The following GPR173 variants were observed in gnomAD, a reference collection of about 807,000 sequenced individuals.
GPR173 encodes the protein probable G protein-coupled receptor 173.
In GPR173, 2 loss-of-function variants were observed where a neutral mutation model predicts 13.9. That is an observed-to-expected ratio of 0.14 (90% confidence interval 0.06 to 0.45). The LOEUF (loss-of-function observed/expected upper bound fraction) is 0.45, where lower values mean the gene tolerates loss of function less well. Ranked by LOEUF, GPR173 falls within the 20% of genes least tolerant of loss-of-function variation. The pLI, the probability that GPR173 is intolerant of heterozygous loss-of-function variation, is 0.98. For synonymous variants in GPR173, 131 were observed against 141.0 expected (o/e 0.93, Z 0.50); for missense variants, 202 against 340.5 (o/e 0.59, Z 3.20).
At chrX:53,071,892 C>T (rs782154594) in intron 1 of GPR173, among the ~76,000 whole-genome samples, 26 of 111,186 alleles carry the variant, frequency 2.3e-4, no homozygotes, top group African/African-American at 8.2e-4. Context: ...TGCGTGCGCA[C>T]GCGTTCCTCA....
Position 53,077,167 on chromosome X carries a change from G to A in GPR173, c.546G>A (p.Lys182=), listed in dbSNP as rs782556408. 8.3e-7 allele frequency: 1 copy of A among 1,207,894 alleles called. No individual in the cohort carries two copies. The highest frequency in any genetic ancestry group is 1.1e-6 in the Non-Finnish European group (1 of 892,685). Residue 182 remains lysine, a synonymous_variant, in exon 2 of 2, where the codon AAG becomes AAA. Coordinates refer to ENST00000332582, the MANE Select transcript of GPR173 (RefSeq NM_018969.6). ...DQCIFEHRYF[K]ANDTLGFMLM... Reference sequence around the variant, plus strand: ...GCATCTTTGAGCATCGCTACTTCAAGGCCAATGACACGCTGGGCTTCATGC... The same window carrying A: ...GCATCTTTGAGCATCGCTACTTCAAAGCCAATGACACGCTGGGCTTCATGC...
At chrX:53,074,803 A>T (rs1254333814) in intron 1 of GPR173, among the ~76,000 whole-genome samples, 1 of 97,699 alleles carries the variant, frequency 1.0e-5, no homozygotes, top group East Asian at 3.0e-4. Flanking sequence ...AATTATATAT[A>T]TATAAATATA....
chrX:53,056,211 G>A (rs1171228917), intron 1 of GPR173, among the ~76,000 whole-genome samples: 5 of 109,916 alleles, frequency 4.5e-5, no homozygotes, highest in Admixed American at 9.9e-5. Flanking sequence ...GGGCCTGTGC[G>A]TGTAAGTGCA....
intron 1 of GPR173, among the ~76,000 whole-genome samples, chrX:53,053,651 G>A (rs1931992135): frequency 8.9e-6 from 1 of 112,926 alleles, no homozygotes; most frequent in African/African-American, 3.2e-5. Flanking sequence ...GGGCCTTATT[G>A]ACAAGGGGAT....
intron 1 of GPR173, among the ~76,000 whole-genome samples, chrX:53,065,977 G>T (rs1220684738): frequency 9.0e-6 from 1 of 110,805 alleles, no homozygotes; most frequent in Non-Finnish European, 1.9e-5. Flanking sequence ...GCGCGTGCCT[G>T]TGATCCCAGC....
intron 1 of GPR173, among the ~76,000 whole-genome samples, chrX:53,074,233 GAAATATATATA>G (rs1932359075): frequency 1.3e-4 from 1 of 7,610 alleles, no homozygotes; most frequent in Non-Finnish European, 2.4e-4. Flanking sequence ...TATTCATATA[GAAATATATATA>G]AATATACATT....
intron 1 of GPR173, among the ~76,000 whole-genome samples, chrX:53,052,498 T>C (rs374204262): frequency 1.4e-4 from 15 of 110,744 alleles, no homozygotes; most frequent in African/African-American, 4.9e-4. Flanking sequence ...TGGGTGTATA[T>C]GCTAGTAGGT....
At chrX:53,070,969 CTTTT>C (rs1210687869) in intron 1 of GPR173, 2 of 95,257 alleles carry the variant, frequency 2.1e-5, no homozygotes, top group African/African-American at 4.0e-5. Context: ...CTCCCAATGT[CTTTT>C]TTTTTTTTTT....
intron 1 of GPR173, among the ~76,000 whole-genome samples, chrX:53,062,871 G>T (rs1291358199): frequency 9.0e-6 from 1 of 111,679 alleles, no homozygotes; most frequent in Non-Finnish European, 1.9e-5. Flanking sequence ...TTGACTCTGC[G>T]TCCTGCATCT....
intron 1 of GPR173, among the ~76,000 whole-genome samples, chrX:53,050,776 C>A (rs1242346888): frequency 8.9e-6 from 1 of 112,009 alleles, no homozygotes; most frequent in African/African-American, 3.2e-5. Flanking sequence ...AGCAAGTGGG[C>A]AAATGGAGGG....
At chrX:53,054,043 G>A (rs782761032) in intron 1 of GPR173, among the ~76,000 whole-genome samples, 1 of 111,987 alleles carries the variant, frequency 8.9e-6, no homozygotes, top group African/African-American at 3.3e-5. Context: ...TCTAGGGTTG[G>A]TAAATAGTTT....
intron 1 of GPR173, among the ~76,000 whole-genome samples, chrX:53,055,775 T>C (rs1407614872): frequency 9.1e-6 from 1 of 109,637 alleles, no homozygotes; most frequent in Non-Finnish European, 1.9e-5. Context: ...CCATGGTCTA[T>C]ATGGGATGAA....
intron 1 of GPR173, among the ~76,000 whole-genome samples, chrX:53,072,295 A>C (rs13440883): frequency 0.32 from 32,645 of 102,360 alleles, 5,195 homozygotes; most frequent in African/African-American, 0.62. Flanking sequence ...CTCTCCAGCT[A>C]CCCTCTCTTA....
At chrX:53,069,287 A>AAC (rs1455077758) in intron 1 of GPR173, among the ~76,000 whole-genome samples, 3 of 109,043 alleles carry the variant, frequency 2.8e-5, no homozygotes, top group African/African-American at 1.0e-4. Context: ...AAAAAAAAAA[A>AAC]CAGAAAAGAA....
chrX:53,076,465 C>G, intron 1 of GPR173, 60 bp from the exon 2 acceptor site: 1 of 429,104 alleles, frequency 2.3e-6, no homozygotes, highest in South Asian at 4.3e-5. Context: ...CTGTCTCTCT[C>G]TTGCCCTCAT....
intron 1 of GPR173, among the ~76,000 whole-genome samples, chrX:53,063,752 A>T (rs1420193182): frequency 1.8e-5 from 2 of 111,804 alleles, no homozygotes; most frequent in Admixed American, 1.9e-4. Flanking sequence ...AAGTCCTAGG[A>T]CATGAACACG....
chrX:53,077,998 TTCTC>T lies in GPR173; in HGVS notation c.*271_*274del, dbSNP rs782279965. 8.0e-4 allele frequency: 235 copies of T among 294,250 alleles called. No homozygotes were observed. The highest frequency in any genetic ancestry group is 1.9e-3 in the East Asian group (34 of 18,143). The allele number at this position is 294,250 out of a possible 1,213,427, so 24.2% of individuals were successfully genotyped here. On this transcript the variant is annotated 3_prime_UTR_variant, in exon 2 of 2. Transcript: ENST00000332582. The stretch of plus-strand genomic sequence containing the variant: ...CTCCTTCTCCACTTCTACAATCTCA[TTCTC>T]TCTCTCTCTCTCTCTGTCTCTCTCT...
chrX:53,071,323 T>C (rs1313057077), intron 1 of GPR173, among the ~76,000 whole-genome samples: 1 of 111,713 alleles, frequency 9.0e-6, no homozygotes, highest in Non-Finnish European at 1.9e-5. Flanking sequence ...AGGGGAAACA[T>C]CAGAGGCAGG....
chrX:53,072,223 T>C lies in GPR173; in HGVS notation c.-97-4302T>C, dbSNP rs1932267630. ...TACGCATTATCCACCTTCTCGGTCT[T>C]AGCGTGGCTCTCCGTGTCTCCCTCT... On this transcript the variant is annotated intron_variant, in intron 1 of 1. Coordinates refer to ENST00000332582, the MANE Select transcript of GPR173 (RefSeq NM_018969.6). 6.3e-5 allele frequency among the ~76,000 whole-genome samples: 7 copies of C among 110,417 alleles called. No individual in the cohort carries two copies. The Admixed American group carries it at 6.8e-4, about 11-fold the overall frequency.
Sources: allele counts gnomAD v4.1 joint callset (sites outside exome capture counted in the v4.1 genomes callset), GRCh38; gene constraint gnomAD v4.1.1; transcripts MANE v1.5; gene names NCBI Gene and HGNC (gene_info 2026-07-23, HGNC 2026-07-21).